FAM171B: variants seen among roughly 807,000 people sequenced by gnomAD.
FAM171B encodes the protein protein FAM171B.
In FAM171B, 19 loss-of-function variants were observed where a neutral mutation model predicts 75.6. The observed-to-expected ratio is 0.25, with a 90% confidence interval of 0.18 to 0.37. FAM171B has a LOEUF of 0.37. FAM171B is among the 10% of genes least tolerant of loss of function. The pLI, the probability that FAM171B is intolerant of heterozygous loss-of-function variation, is 1.00. For missense variants in FAM171B, 848 were observed against 982.4 expected (o/e 0.86, Z 1.83); for synonymous variants, 367 against 361.7 (o/e 1.01, Z -0.17).
intron 4 of FAM171B, among the ~76,000 whole-genome samples, chr2:186,748,451 A>G (rs1248025760): frequency 6.6e-6 from 1 of 152,164 alleles, no homozygotes; most frequent in Non-Finnish European, 1.5e-5. Context: ...CAGCCAGATG[A>G]CACTTATTAT....
chr2:186,755,408 A>G (rs1690518460), intron 6 of FAM171B, among the ~76,000 whole-genome samples: 2 of 152,214 alleles, frequency 1.3e-5, no homozygotes, highest in South Asian at 4.1e-4. Context: ...TAAAAGTTGA[A>G]TGCATGTATA....
intron 1 of FAM171B, among the ~76,000 whole-genome samples, chr2:186,702,782 T>A (rs1018990298): frequency 5.9e-5 from 9 of 152,128 alleles, no homozygotes; most frequent in Non-Finnish European, 1.2e-4. Context: ...AGTAATGTAT[T>A]ACTCTTCAAA....
At position 186,736,431 on chromosome 2, in the gene FAM171B, C is replaced by T. The variant is rs1374326356; in HGVS notation, c.239-3797C>T. Among the ~76,000 whole-genome samples the T allele has an allele frequency of 2.6e-5, 4 of 151,960 alleles. No homozygotes were observed. The East Asian group carries it at 7.7e-4, about 29-fold the overall frequency. On this transcript the variant is annotated intron_variant, in intron 1 of 7. Coordinates refer to ENST00000304698, the MANE Select transcript of FAM171B (RefSeq NM_177454.4). ...TTTTTTTGAAGAGTAAGTAGAATAA[C>T]GCACTTAAAAACTAACACAACGCAT...
At chr2:186,728,807 T>G (rs1261698969) in intron 1 of FAM171B, among the ~76,000 whole-genome samples, 1 of 152,202 alleles carries the variant, frequency 6.6e-6, no homozygotes, top group Non-Finnish European at 1.5e-5. Flanking sequence ...TCCATGTGTA[T>G]AGTTGTAACC....
At chr2:186,725,302 C>A (rs187970148) in intron 1 of FAM171B, among the ~76,000 whole-genome samples, 106 of 151,450 alleles carry the variant, frequency 7.0e-4, no homozygotes, top group African/African-American at 2.4e-3. Flanking sequence ...CGAGACCACG[C>A]CACTGCACTC....
Position 186,762,110 on chromosome 2 carries a change from C to T in FAM171B, c.1768C>T (p.Pro590Ser), listed in dbSNP as rs765608692. ...ENFTQTLPKMPIHSHAQPPDA... is the reference protein window; with the variant it reads ...ENFTQTLPKMSIHSHAQPPDA... The stretch of plus-strand genomic sequence containing the variant: ...CTTTACGCAGACCTTGCCCAAAATG[C>T]CAATTCATTCTCATGCACAGCCCCC... Residue 590 changes from proline to serine, a missense_variant, in exon 8 of 8, where the codon CCA (proline) becomes TCA (serine). Pro to Ser is a moderately conservative substitution (Grantham distance 74). This residue lies in a region of FAM171B where 665 missense variants were observed against 729.0 expected (regional missense o/e 0.91). Coordinates refer to ENST00000304698, the MANE Select transcript of FAM171B (RefSeq NM_177454.4). This position sits in a 1 kb window ranked among gnomAD's most constrained non-coding sequence, Gnocchi z 4.0. The T allele has an allele frequency of 6.2e-7, 1 of 1,613,668 alleles. No individual in the cohort carries two copies. The highest frequency in any genetic ancestry group is 8.5e-7 in the Non-Finnish European group (1 of 1,179,778).
rs1025716949 is a variant in FAM171B at position 186,760,294 on chromosome 2, C to A, written c.1013-819C>A. On this transcript the variant is annotated intron_variant, in intron 6 of 7. Coordinates refer to ENST00000304698, the MANE Select transcript of FAM171B (RefSeq NM_177454.4). ...CAGTTGTGCTCTGTTCACTCTAGAGCCCAGGTAGAAGGAGCTGCAACTCTT... is the reference window on the plus strand; with the variant it reads ...CAGTTGTGCTCTGTTCACTCTAGAGACCAGGTAGAAGGAGCTGCAACTCTT... 5.4e-4 allele frequency among the ~76,000 whole-genome samples: 82 copies of A among 152,018 alleles called. 1 individual carries two copies. Among genetic ancestry groups the A allele is most frequent in the African/African-American group, 1.9e-3 (78 of 41,388 alleles).
At chr2:186,716,663 A>G (rs545914563) in intron 1 of FAM171B, among the ~76,000 whole-genome samples, 1 of 152,300 alleles carries the variant, frequency 6.6e-6, no homozygotes, top group African/African-American at 2.4e-5. Context: ...ATGTCGTTTT[A>G]GAGGCATATA....
chr2:186,695,671 T>G (rs1277539829), intron 1 of FAM171B, among the ~76,000 whole-genome samples: 1 of 152,186 alleles, frequency 6.6e-6, no homozygotes. Flanking sequence ...GGAAAGCATG[T>G]GTTTCTGACA....
At chr2:186,705,649 T>A (rs1689723891) in intron 1 of FAM171B, among the ~76,000 whole-genome samples, 1 of 152,164 alleles carries the variant, frequency 6.6e-6, no homozygotes, top group Admixed American at 6.5e-5. Context: ...AAATAACATT[T>A]AGACTCAAAA....
At chr2:186,734,638 G>A (rs1227724887) in intron 1 of FAM171B, among the ~76,000 whole-genome samples, 3 of 152,152 alleles carry the variant, frequency 2.0e-5, no homozygotes, top group Non-Finnish European at 4.4e-5. Context: ...ATTGGTCCAT[G>A]AGTGGGCCAG....
intron 2 of FAM171B, 92 bp from the exon 3 acceptor site, chr2:186,743,391 C>A: frequency 2.5e-6 from 2 of 808,834 alleles, no homozygotes; most frequent in South Asian, 1.7e-5. Context: ...CCACAACACA[C>A]TTTTTGAGAC....
At chr2:186,739,496 CTTTTTAA>C (rs1690255679) in intron 1 of FAM171B, among the ~76,000 whole-genome samples, 1 of 151,716 alleles carries the variant, frequency 6.6e-6, no homozygotes, top group Non-Finnish European at 1.5e-5. Flanking sequence ...TTACTTTTTA[CTTTTTAA>C]ACTTTTTTTG....
At chr2:186,711,636 A>G (rs1319088665) in intron 1 of FAM171B, among the ~76,000 whole-genome samples, 4 of 151,758 alleles carry the variant, frequency 2.6e-5, no homozygotes, top group African/African-American at 9.7e-5. Flanking sequence ...GTATTCCATG[A>G]CTTAATAAAT....
At chr2:186,708,335 C>T (rs922720852) in intron 1 of FAM171B, among the ~76,000 whole-genome samples, 2 of 148,238 alleles carry the variant, frequency 1.3e-5, no homozygotes, top group Non-Finnish European at 3.0e-5. Flanking sequence ...ATACAAGATT[C>T]CTACAAGACT....
chr2:186,710,796 G>A (rs1028254316), intron 1 of FAM171B, among the ~76,000 whole-genome samples: 1 of 151,742 alleles, frequency 6.6e-6, no homozygotes, highest in Non-Finnish European at 1.5e-5. Context: ...TGAAACATTG[G>A]AATTGGGTAA....
In FAM171B at chr2:186,694,146, T is replaced by TGCC; in HGVS notation, c.-22_-20dup. The TGCC allele has an allele frequency of 6.6e-7, 1 of 1,522,816 alleles. No homozygotes were observed. Among genetic ancestry groups the TGCC allele is most frequent in the Non-Finnish European group, 8.8e-7 (1 of 1,142,142 alleles). The allele number at this position is 1,522,816 out of a possible 1,614,324, so 94.3% of individuals were successfully genotyped here. On this transcript the variant is annotated 5_prime_UTR_variant, in exon 1 of 8. Transcript: ENST00000304698. ...CGCCGCCGCCCGGAGCCCCGCAATA[T>TGCC]GCCGCCGCGGCCCTCTGGCTCTAGG...
Position 186,700,500 on chromosome 2 carries a change from C to T in FAM171B, c.238+6089C>T, listed in dbSNP as rs183602774. On this transcript the variant is annotated intron_variant, in intron 1 of 7. Transcript: ENST00000304698. ...TTATAGAACTTCACAAAATGGAATCCATGGCGTGTGTCCAGCTTCTTCAGC... is the reference window on the plus strand; with the variant it reads ...TTATAGAACTTCACAAAATGGAATCTATGGCGTGTGTCCAGCTTCTTCAGC... Among the ~76,000 whole-genome samples the T allele has an allele frequency of 5.1e-4, 78 of 152,254 alleles. No homozygotes were observed. The South Asian group carries it at 0.01, about 20-fold the overall frequency.
intron 1 of FAM171B, among the ~76,000 whole-genome samples, chr2:186,738,281 C>G (rs970420049): frequency 6.6e-6 from 1 of 152,002 alleles, no homozygotes. Flanking sequence ...TTGGTGAGTT[C>G]CAGGTTCTTG....
Sources: allele counts gnomAD v4.1 joint callset (sites outside exome capture counted in the v4.1 genomes callset), GRCh38; gene constraint gnomAD v4.1.1; regional missense constraint gnomAD v4.1.1; non-coding constraint Gnocchi (gnomAD v3.1); transcripts MANE v1.5; gene names NCBI Gene and HGNC (gene_info 2026-07-23, HGNC 2026-07-21).